CABP5: variants seen among roughly 807,000 people sequenced by gnomAD.
The protein encoded by CABP5 is calcium-binding protein 5.
In CABP5, 17 loss-of-function variants were observed where a neutral mutation model predicts 21.9. The observed-to-expected ratio is 0.78, with a 90% CI of 0.53 to 1.17. The LOEUF (loss-of-function observed/expected upper bound fraction) is 1.17. Ranked by LOEUF, CABP5 falls within the 50% of genes most tolerant of loss-of-function variation. The probability of loss-of-function intolerance (pLI) is 0.00; values close to 1 mark genes in which losing one functional copy is unlikely to be tolerated. For synonymous variants in CABP5, 85 were observed against 79.4 expected, an observed-to-expected ratio of 1.07 and a Z score of -0.37; for missense variants, 229 against 228.9, an observed-to-expected ratio of 1.00 and a Z score of 0.00.
intron 3 of CABP5, among the ~76,000 whole-genome samples, 195 bp from the exon 4 acceptor site, chr19:48,039,512 T>A (rs186064784): frequency 1.3e-5 from 2 of 152,116 alleles, no homozygotes; most frequent in Admixed American, 1.3e-4. Context: ...GGATAGGGTG[T>A]GGTATGGTGG....
Position 48,029,798 on chromosome 19 carries a change from CAGAGAGAGAGAGAGAGAGAGAG to C in CABP5, c.*737_*758del, listed in dbSNP as rs72005770. Among the ~76,000 whole-genome samples, 1 of 120,150 alleles carries C rather than the reference CAGAGAGAGAGAGAGAGAGAGAG, an allele frequency of 8.3e-6. No individual in the cohort carries two copies. Among genetic ancestry groups the C allele is most frequent in the Non-Finnish European group, 1.7e-5 (1 of 57,974 alleles). The allele number at this position is 120,150 out of a possible 152,430, so 78.8% of individuals were successfully genotyped here. ...GGGAGGGGAGACAGAGACAGACAGA[CAGAGAGAGAGAGAGAGAGAGAG>C]AGAGAGAGAGAGAGAGAAACCAGAC... On this transcript the variant is annotated 3_prime_UTR_variant, in exon 6 of 6. Transcript: ENST00000293255.
chr19:48,043,948 G>C lies in CABP5; in HGVS notation c.-26C>G. 1 of 1,503,700 alleles carries C rather than the reference G, an allele frequency of 6.7e-7. No individual in the cohort carries two copies. The highest frequency in any genetic ancestry group is 8.8e-7 in the Non-Finnish European group (1 of 1,131,634). The allele number at this position is 1,503,700 out of a possible 1,614,324, so 93.1% of individuals were successfully genotyped here. A position where few individuals can be genotyped will look rare whatever the true frequency, so the allele number is the denominator to read the frequency against. The stretch of plus-strand genomic sequence containing the variant: ...GGAGGGGTGGGGTGGAGCTCGCAGG[G>C]CACCAGTCTCAAGATGGCCCCTCCT... On this transcript the variant is annotated 5_prime_UTR_variant, in exon 1 of 6. Coordinates refer to ENST00000293255, the MANE Select transcript of CABP5 (RefSeq NM_019855.5).
intron 3 of CABP5, 133 bp downstream of exon 3, chr19:48,040,472 G>T: frequency 1.1e-6 from 1 of 891,248 alleles, no homozygotes; most frequent in Non-Finnish European, 1.7e-6. Context: ...AATCTGACCT[G>T]TTTTCTTCCA....
chr19:48,032,414 C>G (rs67679257), intron 5 of CABP5, among the ~76,000 whole-genome samples: 45,641 of 150,008 alleles, frequency 0.3, 7,824 homozygotes, highest in Non-Finnish European at 0.39. Flanking sequence ...ACTGCAACCT[C>G]CGCCTCCCAA....
intron 4 of CABP5, 69 bp from the exon 5 acceptor site, chr19:48,034,431 C>T: frequency 7.9e-7 from 1 of 1,266,420 alleles, no homozygotes; most frequent in Non-Finnish European, 1.0e-6. Flanking sequence ...ATGGAGTTTA[C>T]CTATCGCTTA....
chr19:48,036,765 G>A (rs1967412800), intron 4 of CABP5, among the ~76,000 whole-genome samples: 1 of 151,972 alleles, frequency 6.6e-6, no homozygotes, highest in African/African-American at 2.4e-5. Flanking sequence ...CTCTAAAGAA[G>A]ACAAATGGGC....
intron 4 of CABP5, among the ~76,000 whole-genome samples, chr19:48,038,448 C>T (rs1330724371): frequency 6.6e-6 from 1 of 152,204 alleles, no homozygotes; most frequent in Non-Finnish European, 1.5e-5. Context: ...AGTATGTCTG[C>T]AGCAAGTGGT....
Position 48,044,053 on chromosome 19 carries a change from C to A in CABP5, c.-131G>T. On this transcript the variant is annotated 5_prime_UTR_variant, in exon 1 of 6. Transcript: ENST00000293255. ...CCTCTTCCTGCCTCTCTTGGCTTCT[C>A]CTTCGGTCCCGGTGTCTTAGAGCTG... 1.4e-6 allele frequency: 1 copy of A among 722,172 alleles called. No homozygotes were observed. The highest frequency in any genetic ancestry group is 2.3e-5 in the South Asian group (1 of 42,816). The allele number at this position is 722,172 out of a possible 1,614,324, so 44.7% of individuals were successfully genotyped here.
chr19:48,041,735 C>T (rs952971322), intron 1 of CABP5, 132 bp from the exon 2 acceptor site: 2 of 762,098 alleles, frequency 2.6e-6, no homozygotes, highest in African/African-American at 1.8e-5. Context: ...TCCTCCATCC[C>T]TCCCATTCCT....
rs1600129641 is a variant in CABP5, at chr19:48,042,808, C to T, written c.63+1052G>A. 2.0e-5 allele frequency among the ~76,000 whole-genome samples: 3 copies of T among 152,170 alleles called. No homozygotes were observed. The South Asian group carries it at 6.2e-4, about 32-fold the overall frequency. On this transcript the variant is annotated intron_variant, in intron 1 of 5. Coordinates refer to ENST00000293255, the MANE Select transcript of CABP5 (RefSeq NM_019855.5). Reference sequence around the variant, plus strand: ...CAGGCTGGTCTTGACCTCCTGACCTCGTGATCCACCTGCTTTGGCCTCCCA... The same window carrying T: ...CAGGCTGGTCTTGACCTCCTGACCTTGTGATCCACCTGCTTTGGCCTCCCA...
rs10417586 is a variant in CABP5 at position 48,032,926 on chromosome 19, C to T, written c.496+1289G>A. The stretch of plus-strand genomic sequence containing the variant: ...AATTACAGGCATGAGCCACTGAGCC[C>T]GGCCAGAATTTTGGATTTTTGTCCA... On this transcript the variant is annotated intron_variant, in intron 5 of 5. Coordinates refer to ENST00000293255, the MANE Select transcript of CABP5 (RefSeq NM_019855.5). Among the ~76,000 whole-genome samples, 214 of 152,030 alleles carry T rather than the reference C, an allele frequency of 1.4e-3. 1 individual carries two copies. The Middle Eastern group carries it at 0.02, about 14-fold the overall frequency.
At chr19:48,040,471 T>C in intron 3 of CABP5, 134 bp downstream of exon 3, 1 of 853,772 alleles carries the variant, frequency 1.2e-6, no homozygotes, top group Non-Finnish European at 1.8e-6. Context: ...GAATCTGACC[T>C]GTTTTCTTCC....
rs919448243 is a variant in CABP5 at position 48,029,479 on chromosome 19, T to G, written c.*1078A>C. ...TCAGGAGGAATCTCTCTTTTCTGTT[T>G]CATGGCACAGATCGATGTCAGGACG... is the stretch of plus-strand genomic sequence containing the variant. On this transcript the variant is annotated 3_prime_UTR_variant, in exon 6 of 6. Transcript: ENST00000293255. Among the ~76,000 whole-genome samples the G allele has an allele frequency of 5.9e-5, 9 of 152,044 alleles. No homozygotes were observed. Among genetic ancestry groups the G allele is most frequent in the African/African-American group, 1.9e-4 (8 of 41,402 alleles).
chr19:48,043,754 C>T (rs1967513767), intron 1 of CABP5, 106 bp downstream of exon 1: 3 of 954,284 alleles, frequency 3.1e-6, no homozygotes, highest in African/African-American at 1.7e-5. Flanking sequence ...CCTGCTCTAT[C>T]CACCTGTTCC....
intron 4 of CABP5, among the ~76,000 whole-genome samples, chr19:48,037,751 AG>A (rs1418905520): frequency 6.6e-6 from 1 of 152,194 alleles, no homozygotes; most frequent in Non-Finnish European, 1.5e-5. Context: ...GGATTTCATA[AG>A]GCAGTAAGTT....
At chr19:48,032,502 T>A (rs373516864) in intron 5 of CABP5, among the ~76,000 whole-genome samples, 11 of 151,118 alleles carry the variant, frequency 7.3e-5, no homozygotes, top group Non-Finnish European at 1.2e-4. Flanking sequence ...GCTAACTTTT[T>A]GTATTTCAGT....
intron 4 of CABP5, among the ~76,000 whole-genome samples, chr19:48,035,959 G>C (rs1031373936): frequency 2.0e-5 from 3 of 152,294 alleles, no homozygotes; most frequent in Admixed American, 1.3e-4. Flanking sequence ...ACCCTGTTGT[G>C]TAGAGAACAG....
intron 5 of CABP5, among the ~76,000 whole-genome samples, chr19:48,031,720 T>C (rs534661552): frequency 6.6e-6 from 1 of 152,218 alleles, no homozygotes; most frequent in Non-Finnish European, 1.5e-5. Context: ...TGCACCTGAC[T>C]TTGCTGTGGC....
At chr19:48,033,009 A>G (rs892271269) in intron 5 of CABP5, among the ~76,000 whole-genome samples, 1 of 139,674 alleles carries the variant, frequency 7.2e-6, no homozygotes, top group African/African-American at 2.6e-5. Flanking sequence ...TTAGAACTTG[A>G]CATGCTTTTT....
Sources: allele counts gnomAD v4.1 joint callset (sites outside exome capture counted in the v4.1 genomes callset), GRCh38; gene constraint gnomAD v4.1.1; transcripts MANE v1.5; gene names NCBI Gene and HGNC (gene_info 2026-07-23, HGNC 2026-07-21).